CTNNA1: variants seen among roughly 807,000 people sequenced by gnomAD.
CTNNA1 encodes the protein catenin alpha 1, also known as catenin alpha-1.
In CTNNA1, 37 loss-of-function variants were observed where a neutral mutation model predicts 98.4. The ratio of observed to expected loss-of-function variants is 0.38; its 90% CI spans 0.29 to 0.49. The LOEUF is 0.49. Among genes scored for constraint, CTNNA1 ranks in the 20% least tolerant of loss-of-function variants. The pLI is 0.95. For synonymous variants in CTNNA1, 404 were observed against 413.2 expected, an observed-to-expected ratio of 0.98 and a Z score of 0.27; for missense variants, 761 against 1,147.2, an observed-to-expected ratio of 0.66 and a Z score of 4.86.
chr5:138,930,776 C>T, intron 15 of CTNNA1, 54 bp from the exon 16 acceptor site: 1 of 1,526,468 alleles, frequency 6.6e-7, no homozygotes, highest in Non-Finnish European at 9.1e-7. Context: ...TTTTTCTACT[C>T]CAACTGTGAG....
intron 10 of CTNNA1, among the ~76,000 whole-genome samples, chr5:138,911,465 C>A (rs1360924638): frequency 6.6e-6 from 1 of 152,050 alleles, no homozygotes; most frequent in Non-Finnish European, 1.5e-5. Flanking sequence ...TGGACCCCCC[C>A]CCAATATAAT....
intron 8 of CTNNA1, among the ~76,000 whole-genome samples, chr5:138,887,048 G>T (rs1407574327): frequency 6.6e-6 from 1 of 152,008 alleles, no homozygotes; most frequent in Non-Finnish European, 1.5e-5. Context: ...AAGTTTTAAG[G>T]TTCATAGTGT....
chr5:138,823,407 A>G (rs1760238394), intron 5 of CTNNA1, among the ~76,000 whole-genome samples: 1 of 152,246 alleles, frequency 6.6e-6, no homozygotes, highest in Admixed American at 6.5e-5. Flanking sequence ...GACCGTATCT[A>G]TACAGAGTCT....
Position 138,783,273 on chromosome 5 carries a change from G to A in CTNNA1, c.202G>A (p.Ala68Thr), listed in dbSNP as rs766078636. The change falls in exon 3 of 18, where the codon GCA becomes ACA. Residue 68 changes from alanine (A) to threonine (T), a missense_variant. Around this residue, in one of 6 missense-constraint regions of CTNNA1, gnomAD observed 328 missense variants for 354.3 expected, o/e 0.93. Coordinates refer to ENST00000302763, the MANE Select transcript of CTNNA1 (RefSeq NM_001903.5). The stretch of plus-strand genomic sequence containing the variant: ...TGTTTTGGCTGCATCTGTTGAACAA[G>A]CAACTGAGAATTTCTTGGAGAAGGG... Reference protein sequence around the residue: ...AHVLAASVEQATENFLEKGDK... With the variant: ...AHVLAASVEQTTENFLEKGDK... 4 of 1,614,006 alleles carry A rather than the reference G, an allele frequency of 2.5e-6. No homozygotes were observed. Among genetic ancestry groups the A allele is most frequent in the East Asian group, 2.2e-5 (1 of 44,890 alleles).
intron 7 of CTNNA1, among the ~76,000 whole-genome samples, chr5:138,847,799 A>G (rs928795459): frequency 6.6e-6 from 1 of 151,898 alleles, no homozygotes. Flanking sequence ...CATTTGGGCA[A>G]CTCCCATTTC....
chr5:138,808,112 T>C (rs914424669), intron 3 of CTNNA1, among the ~76,000 whole-genome samples: 1 of 152,200 alleles, frequency 6.6e-6, no homozygotes, highest in Non-Finnish European at 1.5e-5. Context: ...TTCAGATAAA[T>C]TCTTCCCTGA....
At chr5:138,782,231 A>T (rs1755191819) in intron 2 of CTNNA1, 1 of 637,266 alleles carries the variant, frequency 1.6e-6, no homozygotes, top group Non-Finnish European at 2.8e-6. Context: ...CTTCAGTCTT[A>T]TTGCTAGTAA....
chr5:138,905,104 A>G (rs1359950509), intron 10 of CTNNA1, among the ~76,000 whole-genome samples: 1 of 150,564 alleles, frequency 6.6e-6, no homozygotes, highest in Non-Finnish European at 1.5e-5. Context: ...AAAAAAAAAA[A>G]AAAAAAAATA....
chr5:138,766,802 G>C (rs755860680), intron 1 of CTNNA1, among the ~76,000 whole-genome samples: 9 of 152,148 alleles, frequency 5.9e-5, no homozygotes, highest in African/African-American at 9.7e-5. Context: ...CCCTATACTT[G>C]TGAAAATGCA....
chr5:138,897,174 C>A (rs1318787502), intron 9 of CTNNA1, among the ~76,000 whole-genome samples: 1 of 151,580 alleles, frequency 6.6e-6, no homozygotes, highest in South Asian at 2.1e-4. Flanking sequence ...TAAAATGTGG[C>A]TGTTATTATA....
In CTNNA1 at chr5:138,852,871, G is replaced by GCGCACACACACACGCGCGCGCA. The variant is rs869240008; in HGVS notation, c.1062+25154_1062+25155insGCACACACACACGCGCGCGCAC. On this transcript the variant is annotated intron_variant, in intron 7 of 17. Transcript: ENST00000302763. ...CCCTTCCCTCTTTTCGCGCGCGCGC[G>GCGCACACACACACGCGCGCGCA]CACACACACATTTTTGCATAGGTGT... is the stretch of plus-strand genomic sequence containing the variant. 5.9e-5 allele frequency among the ~76,000 whole-genome samples: 9 copies of GCGCACACACACACGCGCGCGCA among 151,356 alleles called. 1 individual carries two copies. Among genetic ancestry groups the GCGCACACACACACGCGCGCGCA allele is most frequent in the South Asian group, 4.2e-4 (2 of 4,782 alleles).
chr5:138,932,269 T>TTGGCCA lies in CTNNA1; in HGVS notation c.2299-308_2299-303dup, dbSNP rs1412160500. ...CCTGCCGTTTGGGGTGAGGGGATCC[T>TTGGCCA]TGGCCAGGGTGGTTTCCCCGCCGTC... On this transcript the variant is annotated intron_variant, in intron 16 of 17. Coordinates refer to ENST00000302763, the MANE Select transcript of CTNNA1 (RefSeq NM_001903.5). 3 of 1,145,422 alleles carry TTGGCCA rather than the reference T, an allele frequency of 2.6e-6. No individual in the cohort carries two copies. The East Asian group carries it at 1.5e-4, about 59-fold the overall frequency. 71.0% of individuals were successfully genotyped at this position (1,145,422 alleles called of 1,614,324 possible). A position where few individuals can be genotyped will look rare whatever the true frequency, so the allele number is the denominator to read the frequency against.
At position 138,933,909 on chromosome 5, in the gene CTNNA1, G is replaced by A; in HGVS notation, c.2541G>A (p.Gln847=). ...CCTCTACCAAATACCAAAAGTCACA[G>A]GGTATGGCTTCCCTCAACCTTCCTG... ...YVASTKYQKS[Q]GMASLNLPAV... is the part of the protein sequence containing the mutation. The change falls in exon 18 of 18, where the codon CAG becomes CAA. Residue 847 remains glutamine, a synonymous_variant. Coordinates refer to ENST00000302763, the MANE Select transcript of CTNNA1 (RefSeq NM_001903.5). 2 of 1,614,204 alleles carry A rather than the reference G, an allele frequency of 1.2e-6. No homozygotes were observed. The highest frequency in any genetic ancestry group is 1.7e-6 in the Non-Finnish European group (2 of 1,180,036).
At chr5:138,929,132 G>A in intron 13 of CTNNA1, 114 bp from the exon 14 acceptor site, 1 of 767,204 alleles carries the variant, frequency 1.3e-6, no homozygotes, top group South Asian at 1.4e-5. Flanking sequence ...TCAGAACACT[G>A]CACATTAAAA....
intron 1 of CTNNA1, among the ~76,000 whole-genome samples, chr5:138,758,478 A>G (rs972085918): frequency 1.3e-5 from 2 of 152,108 alleles, no homozygotes; most frequent in Non-Finnish European, 2.9e-5. Flanking sequence ...CCCGTGTTCA[A>G]GTGATTCTCC....
chr5:138,825,482 G>GGTTTTTTTTTTTTTTTTTTT (rs1760578153), intron 6 of CTNNA1, among the ~76,000 whole-genome samples: 1 of 74,114 alleles, frequency 1.3e-5, no homozygotes, highest in African/African-American at 5.8e-5. Context: ...AGCAGTATAA[G>GGTTTTTTTTTTTTTTTTTTT]TTTTTTTTTT....
chr5:138,771,193 G>A (rs149257181), intron 1 of CTNNA1, among the ~76,000 whole-genome samples: 3 of 151,864 alleles, frequency 2.0e-5, no homozygotes, highest in Non-Finnish European at 4.4e-5. Context: ...GTGAGTGAAG[G>A]CTAAATGGTT....
chr5:138,796,656 T>A (rs971501834), intron 3 of CTNNA1, among the ~76,000 whole-genome samples: 1 of 152,058 alleles, frequency 6.6e-6, no homozygotes, highest in African/African-American at 2.4e-5. Flanking sequence ...ATCTGGGAAA[T>A]CAGTGGGAGA....
intron 1 of CTNNA1, among the ~76,000 whole-genome samples, chr5:138,764,934 T>C (rs1456568918): frequency 7.0e-6 from 1 of 143,584 alleles, no homozygotes; most frequent in East Asian, 2.1e-4. Context: ...AGTGCAGTGA[T>C]GCGATCTCTC....
Sources: allele counts gnomAD v4.1 joint callset (sites outside exome capture counted in the v4.1 genomes callset), GRCh38; gene constraint gnomAD v4.1.1; regional missense constraint gnomAD v4.1.1; transcripts MANE v1.5; gene names NCBI Gene and HGNC (gene_info 2026-07-23, HGNC 2026-07-21).